Variants in PFKP observed in about 807,000 individuals in gnomAD.
PFKP encodes the protein ATP-dependent 6-phosphofructokinase, platelet type.
A neutral mutation model predicts 94.3 loss-of-function variants in PFKP; 101 were observed. The observed-to-expected ratio is 1.07, with a 90% CI of 0.91 to 1.26. The LOEUF (loss-of-function observed/expected upper bound fraction) is 1.26, where lower values mean the gene tolerates loss of function less well. Ranked by LOEUF, PFKP falls within the 50% of genes most tolerant of loss-of-function variation. The pLI is 0.00. For missense variants in PFKP, 1,145 were observed against 1,103.3 expected, an observed-to-expected ratio of 1.04 and a Z score of -0.53; for synonymous variants, 573 against 432.6, an observed-to-expected ratio of 1.32 and a Z score of -4.03.
At chr10:3,134,934 T>G (rs1312811938) in intron 20 of PFKP, among the ~76,000 whole-genome samples, 2 of 152,244 alleles carry the variant, frequency 1.3e-5, no homozygotes, top group Non-Finnish European at 2.9e-5. Flanking sequence ...ACAACCTCCT[T>G]GTGACTATCC....
chr10:3,116,628 CGG>C (rs1564329601), intron 13 of PFKP, 146 bp from the exon 14 acceptor site: 1 of 661,012 alleles, frequency 1.5e-6, no homozygotes, highest in African/African-American at 1.8e-5. Context: ...TTGATTCATC[CGG>C]GCATCGTGAT....
chr10:3,128,333 C>T (rs1838176932), intron 16 of PFKP, among the ~76,000 whole-genome samples: 1 of 152,202 alleles, frequency 6.6e-6, no homozygotes, highest in African/African-American at 2.4e-5. Flanking sequence ...GAAGAGAGGA[C>T]ATGGGGTGGC....
Position 3,129,805 on chromosome 10 carries a change from TTC to T in PFKP, c.1684-10_1684-9del. ...GGCCTGGGCTGGAGTGACTGATCGC[TTC>T]TCTGTGACCAGACCTGCGACCGCAT... is the stretch of plus-strand genomic sequence containing the variant. On this transcript the variant is annotated splice_polypyrimidine_tract_variant and intron_variant, in intron 16 of 21. Coordinates refer to ENST00000381125, the MANE Select transcript of PFKP (RefSeq NM_002627.5). The T allele has an allele frequency of 1.2e-6, 2 of 1,612,992 alleles. No individual in the cohort carries two copies. Among genetic ancestry groups the T allele is most frequent in the Non-Finnish European group, 1.7e-6 (2 of 1,179,812 alleles).
intron 1 of PFKP, among the ~76,000 whole-genome samples, chr10:3,071,123 G>C (rs1345202277): frequency 6.6e-6 from 1 of 151,970 alleles, no homozygotes; most frequent in East Asian, 1.9e-4. Flanking sequence ...GCTCAAAAGT[G>C]AGCAAAACCC....
intron 2 of PFKP, among the ~76,000 whole-genome samples, chr10:3,097,393 G>T (rs958316722): frequency 6.6e-6 from 1 of 152,158 alleles, no homozygotes; most frequent in African/African-American, 2.4e-5. Flanking sequence ...CCCTCCGGGG[G>T]ACGGCTACAC....
In PFKP at chr10:3,119,981, C is replaced by G; in HGVS notation, c.1620C>G (p.Ser540=). 1 of 1,614,022 alleles carries G rather than the reference C, an allele frequency of 6.2e-7. No homozygotes were observed. Among genetic ancestry groups the G allele is most frequent in the Non-Finnish European group, 8.5e-7 (1 of 1,179,906 alleles). Residue 540 remains serine, a synonymous_variant, in exon 16 of 22, where the codon TCC becomes TCG. Transcript: ENST00000381125. The part of the protein sequence containing the change: ...VPMVMVPATV[S]NNVPGSDFSI... ...TGGTCATGGTTCCCGCTACTGTGTC[C>G]AACAATGTGCCGGGTTCCGATTTCA...
chr10:3,068,581 G>T, intron 1 of PFKP: 3 of 744,764 alleles, frequency 4.0e-6, no homozygotes, highest in Non-Finnish European at 4.9e-6. Context: ...TGCTCTCTAG[G>T]AGGGGCCCGA....
At chr10:3,126,851 TGC>T (rs1303330262) in intron 16 of PFKP, among the ~76,000 whole-genome samples, 3 of 152,260 alleles carry the variant, frequency 2.0e-5, no homozygotes, top group African/African-American at 7.2e-5. Flanking sequence ...GGATCGCCTC[TGC>T]GTCCTTGCAG....
At chr10:3,084,295 T>C (rs1364700872) in intron 2 of PFKP, among the ~76,000 whole-genome samples, 1 of 152,208 alleles carries the variant, frequency 6.6e-6, no homozygotes, top group African/African-American at 2.4e-5. Flanking sequence ...TGCCGCTGTG[T>C]GCGGCGGCCT....
chr10:3,082,680 G>A (rs1195200247), intron 2 of PFKP, among the ~76,000 whole-genome samples: 2 of 152,186 alleles, frequency 1.3e-5, no homozygotes, highest in African/African-American at 2.4e-5. Context: ...TAGGCAAGAG[G>A]AGAAAGGAGA....
intron 1 of PFKP, among the ~76,000 whole-genome samples, chr10:3,075,034 T>C (rs1414796540): frequency 1.3e-5 from 2 of 152,306 alleles, no homozygotes; most frequent in Non-Finnish European, 1.5e-5. Context: ...GTATCCCTTA[T>C]GGGAAATGAA....
intron 14 of PFKP, among the ~76,000 whole-genome samples, chr10:3,117,082 A>G (rs904510549): frequency 6.6e-6 from 1 of 152,194 alleles, no homozygotes; most frequent in Non-Finnish European, 1.5e-5. Context: ...GCCTTCCTCT[A>G]ATTCATATTT....
intron 16 of PFKP, among the ~76,000 whole-genome samples, chr10:3,128,108 C>CGGCT (rs1256411398): frequency 6.6e-6 from 1 of 152,054 alleles, no homozygotes; most frequent in Non-Finnish European, 1.5e-5. Context: ...GACGGACGGA[C>CGGCT]GGCTGGCTGG....
At chr10:3,123,696 A>G (rs1199479051) in intron 16 of PFKP, among the ~76,000 whole-genome samples, 1 of 152,254 alleles carries the variant, frequency 6.6e-6, no homozygotes, top group Non-Finnish European at 1.5e-5. Flanking sequence ...TCTGAAAAGC[A>G]TAAGGAGACT....
intron 16 of PFKP, among the ~76,000 whole-genome samples, chr10:3,128,692 C>T (rs1034810909): frequency 1.3e-5 from 2 of 152,246 alleles, no homozygotes; most frequent in African/African-American, 2.4e-5. Context: ...TCAGCCTCTG[C>T]GCCCCTCATC....
At position 3,129,911 on chromosome 10, in the gene PFKP, C is replaced by T. The variant is rs1333076753; in HGVS notation, c.1776C>T (p.Asn592=). The part of the protein sequence containing the change: ...TMGGYCGYLA[N]MGGLAAGADA... Reference sequence around the variant, plus strand: ...GCGGCTACTGTGGCTACCTGGCCAACATGGGGGGGCTCGCGGCCGGAGCTG... The same window carrying T: ...GCGGCTACTGTGGCTACCTGGCCAATATGGGGGGGCTCGCGGCCGGAGCTG... Residue 592 remains asparagine (N), a synonymous_variant, in exon 17 of 22, where the codon AAC becomes AAT. Transcript: ENST00000381125. The T allele has an allele frequency of 6.2e-7, 1 of 1,612,506 alleles. No individual in the cohort carries two copies. The highest frequency in any genetic ancestry group is 8.5e-7 in the Non-Finnish European group (1 of 1,179,392).
chr10:3,072,869 A>G (rs760429197), intron 1 of PFKP, among the ~76,000 whole-genome samples: 3 of 152,000 alleles, frequency 2.0e-5, no homozygotes, highest in Admixed American at 6.6e-5. Context: ...GCACGTTCAC[A>G]ATGGCATTTC....
intron 11 of PFKP, 127 bp from the exon 12 acceptor site, chr10:3,112,992 C>T (rs1251756147): frequency 1.2e-6 from 1 of 819,218 alleles, no homozygotes; most frequent in East Asian, 2.7e-5. Flanking sequence ...CCTGGGGCCT[C>T]CTCCTTCTGC....
chr10:3,082,328 G>A (rs886776079), intron 1 of PFKP, 60 bp from the exon 2 acceptor site: 8 of 1,315,326 alleles, frequency 6.1e-6, no homozygotes, highest in Admixed American at 1.9e-5. Flanking sequence ...TGGGTAGTTA[G>A]TGGCAGAGCC....
Sources: gnomAD v4.1 joint callset for allele counts (sites outside exome capture counted in the v4.1 genomes callset) on GRCh38, gnomAD v4.1.1 for gene constraint, MANE v1.5 for transcripts, NCBI Gene and HGNC (gene_info 2026-07-23, HGNC 2026-07-21) for gene names.